TENT5D: variants seen among roughly 807,000 people sequenced by gnomAD.
TENT5D encodes terminal nucleotidyltransferase 5D, also known as cancer/testis antigen 112.
For synonymous variants in TENT5D, 103 were observed against 100.6 expected, an observed-to-expected ratio of 1.02 and a Z score of -0.15; for missense variants, 191 against 287.0, an observed-to-expected ratio of 0.67 and a Z score of 2.42.
intron 3 of TENT5D, among the ~76,000 whole-genome samples, chrX:80,382,711 C>CG (rs1012553169): frequency 2.7e-5 from 3 of 109,688 alleles, no homozygotes. Flanking sequence ...GACGCCCCCC[C>CG]CCCACTGCCA....
At chrX:80,358,755 G>C (rs1930341690) in intron 3 of TENT5D, among the ~76,000 whole-genome samples, 1 of 111,870 alleles carries the variant, frequency 8.9e-6, no homozygotes, top group Non-Finnish European at 1.9e-5. Context: ...CGTGAATTCT[G>C]TCCTCAAGGA....
intron 3 of TENT5D, among the ~76,000 whole-genome samples, chrX:80,400,620 G>A (rs191077909): frequency 1.8e-5 from 2 of 112,000 alleles, no homozygotes; most frequent in Non-Finnish European, 3.8e-5. Flanking sequence ...CTGTTCCCCC[G>A]AATTCAGCTT....
At chrX:80,366,730 G>C (rs780919667) in intron 3 of TENT5D, among the ~76,000 whole-genome samples, 1 of 111,197 alleles carries the variant, frequency 9.0e-6, no homozygotes, top group South Asian at 3.7e-4. Context: ...TAATAGATGA[G>C]AAAACTAAAG....
chrX:80,351,065 T>C (rs1483028541), intron 3 of TENT5D, among the ~76,000 whole-genome samples: 1 of 111,511 alleles, frequency 9.0e-6, no homozygotes, highest in Admixed American at 9.5e-5. Flanking sequence ...TCTTTCTGGC[T>C]GCCGTTAACA....
chrX:80,432,319 C>T (rs1395583437), intron 1 of TENT5D, among the ~76,000 whole-genome samples: 1 of 111,471 alleles, frequency 9.0e-6, no homozygotes, highest in African/African-American at 3.3e-5. Flanking sequence ...TGCCCCAGGA[C>T]CTCCTTCCGG....
chrX:80,432,561 G>T (rs778132425), intron 1 of TENT5D, among the ~76,000 whole-genome samples: 1 of 111,841 alleles, frequency 8.9e-6, no homozygotes, highest in African/African-American at 3.2e-5. Context: ...GGAAATGAAA[G>T]TAAAGAGTTA....
chrX:80,339,742 T>A (rs1186286741), intron 2 of TENT5D, among the ~76,000 whole-genome samples: 1 of 110,201 alleles, frequency 9.1e-6, no homozygotes, highest in Admixed American at 9.7e-5. Flanking sequence ...AAAAAAGTCT[T>A]GGAAAATTAG....
intron 3 of TENT5D, among the ~76,000 whole-genome samples, chrX:80,404,469 C>G (rs1266453242): frequency 9.0e-6 from 1 of 111,630 alleles, no homozygotes; most frequent in African/African-American, 3.3e-5. Flanking sequence ...CCTTGTTTAT[C>G]TGACACAGGG....
chrX:80,389,466 G>T (rs750176523), intron 3 of TENT5D, among the ~76,000 whole-genome samples: 1 of 112,278 alleles, frequency 8.9e-6, no homozygotes, highest in African/African-American at 3.2e-5. Flanking sequence ...CCCATAGATG[G>T]TATTTAAAAC....
At chrX:80,423,449 G>A (rs1303103644) in intron 1 of TENT5D, among the ~76,000 whole-genome samples, 3 of 111,490 alleles carry the variant, frequency 2.7e-5, no homozygotes, top group East Asian at 2.8e-4. Context: ...CCATGAGGCC[G>A]GGGTTCAGGG....
At chrX:80,347,756 G>A (rs996115624) in intron 3 of TENT5D, among the ~76,000 whole-genome samples, 4 of 112,031 alleles carry the variant, frequency 3.6e-5, no homozygotes, top group Non-Finnish European at 5.6e-5. Flanking sequence ...CCATGCCTAC[G>A]TCCTGAATGG....
At chrX:80,440,522 T>C (rs1932263911) in intron 2 of TENT5D, among the ~76,000 whole-genome samples, 1 of 110,826 alleles carries the variant, frequency 9.0e-6, no homozygotes, top group African/African-American at 3.3e-5. Flanking sequence ...TGTCAACTTT[T>C]GTTTGGGAAA....
intron 3 of TENT5D, among the ~76,000 whole-genome samples, chrX:80,414,318 T>C (rs1931726041): frequency 8.9e-6 from 1 of 112,043 alleles, no homozygotes; most frequent in African/African-American, 3.2e-5. Flanking sequence ...ACCATAAAGA[T>C]AGCTCAAGCT....
At chrX:80,417,758 A>G (rs1388912896), upstream of TENT5D, among the ~76,000 whole-genome samples, 2 of 110,695 alleles carry the variant, frequency 1.8e-5, no homozygotes, top group Admixed American at 1.9e-4. Flanking sequence ...TTTCATTTCA[A>G]CCTTGGAAAA....
chrX:80,406,881 A>C (rs1931510239), intron 3 of TENT5D, among the ~76,000 whole-genome samples: 2 of 98,651 alleles, frequency 2.0e-5, no homozygotes, highest in African/African-American at 7.5e-5. Flanking sequence ...AGGGAAGCCC[A>C]TCAGACTAAC....
chrX:80,416,751 C>T (rs68104408), upstream of TENT5D, among the ~76,000 whole-genome samples: 10,607 of 109,756 alleles, frequency 0.097, 514 homozygotes, highest in African/African-American at 0.18. Context: ...AGAGTATGTG[C>T]CATGTGCAGC....
At chrX:80,353,984 G>C (rs1304023396) in intron 3 of TENT5D, among the ~76,000 whole-genome samples, 1 of 111,267 alleles carries the variant, frequency 9.0e-6, no homozygotes, top group African/African-American at 3.3e-5. Flanking sequence ...TTACCATTCT[G>C]TCTGGTATGA....
chrX:80,350,511 C>T (rs1041639946), intron 3 of TENT5D, among the ~76,000 whole-genome samples: 9 of 110,273 alleles, frequency 8.2e-5, no homozygotes, highest in African/African-American at 2.6e-4. Flanking sequence ...ATAAATATTC[C>T]CCCATCCCCT....
chrX:80,350,579 C>T (rs1015500817), intron 3 of TENT5D, among the ~76,000 whole-genome samples: 2 of 110,860 alleles, frequency 1.8e-5, no homozygotes, highest in Admixed American at 9.7e-5. Context: ...TATAGCACAC[C>T]GATGGGTCTT....
Sources: allele counts gnomAD v4.1 joint callset (sites outside exome capture counted in the v4.1 genomes callset), GRCh38; gene constraint gnomAD v4.1.1; transcripts MANE v1.5; gene names NCBI Gene and HGNC (gene_info 2026-07-23, HGNC 2026-07-21).